Variants in MAP3K20 observed in about 807,000 individuals in gnomAD.
The protein encoded by MAP3K20 is mitogen-activated protein kinase kinase kinase 20, also known as HCCS-4.
In MAP3K20, 40 loss-of-function variants were observed where a neutral mutation model predicts 85.7. The observed-to-expected ratio is 0.47, with a 90% CI of 0.36 to 0.61. The LOEUF is 0.61. Ranked by LOEUF, MAP3K20 falls within the 20% of genes least tolerant of loss-of-function variation. The pLI, the probability that MAP3K20 is intolerant of heterozygous loss-of-function variation, is 0.00. For missense variants in MAP3K20, 817 were observed against 961.7 expected (o/e 0.85, Z 1.99); for synonymous variants, 325 against 327.7 (o/e 0.99, Z 0.09).
At chr2:173,231,410 A>G (rs1287770665) in intron 12 of MAP3K20, among the ~76,000 whole-genome samples, 1 of 152,248 alleles carries the variant, frequency 6.6e-6, no homozygotes, top group African/African-American at 2.4e-5. Context: ...AAGAGGACTC[A>G]GGGTCTCCTT....
At chr2:173,076,252 GCGC>G (rs1246902717) in intron 1 of MAP3K20, among the ~76,000 whole-genome samples, 1 of 151,928 alleles carries the variant, frequency 6.6e-6, no homozygotes, top group Non-Finnish European at 1.5e-5. Context: ...CTTGGCCGCG[GCGC>G]CGCCAAGTGC....
At chr2:173,188,160 CTTCT>C (rs1010700855) in intron 5 of MAP3K20, among the ~76,000 whole-genome samples, 2 of 152,174 alleles carry the variant, frequency 1.3e-5, no homozygotes, top group African/African-American at 4.8e-5. Flanking sequence ...CTCTCTTTTT[CTTCT>C]TTCTCTTCTT....
At chr2:173,182,585 C>T (rs1690362101) in intron 3 of MAP3K20, among the ~76,000 whole-genome samples, 1 of 152,110 alleles carries the variant, frequency 6.6e-6, no homozygotes, top group African/African-American at 2.4e-5. Flanking sequence ...TTTATTCTTC[C>T]AACACCTCTT....
intron 3 of MAP3K20, among the ~76,000 whole-genome samples, chr2:173,177,159 A>G (rs1338942644): frequency 6.6e-6 from 1 of 152,244 alleles, no homozygotes; most frequent in Non-Finnish European, 1.5e-5. Context: ...AATGGGATAT[A>G]GAAGACTTGA....
chr2:173,113,521 G>A (rs567741079), intron 2 of MAP3K20, among the ~76,000 whole-genome samples: 1 of 152,054 alleles, frequency 6.6e-6, no homozygotes, highest in Admixed American at 6.6e-5. Context: ...TTTGATGTAG[G>A]CATTTAGGGC....
chr2:173,076,551 T>G (rs1403557465), intron 1 of MAP3K20, among the ~76,000 whole-genome samples: 1 of 152,260 alleles, frequency 6.6e-6, no homozygotes, highest in Non-Finnish European at 1.5e-5. Flanking sequence ...GCGGTGTTGC[T>G]TCCCATCCAT....
chr2:173,095,918 A>G (rs981507486), intron 2 of MAP3K20, among the ~76,000 whole-genome samples: 1 of 152,256 alleles, frequency 6.6e-6, no homozygotes, highest in East Asian at 1.9e-4. Context: ...ATATTTTCCT[A>G]TGATGATTTT....
chr2:173,218,221 G>A (rs1684133455), intron 11 of MAP3K20, among the ~76,000 whole-genome samples: 5 of 152,120 alleles, frequency 3.3e-5, no homozygotes, highest in Admixed American at 6.5e-5. Context: ...AGCAGCCAGT[G>A]CCCAATTGCA....
chr2:173,080,077 A>T (rs898440259), intron 1 of MAP3K20, among the ~76,000 whole-genome samples: 1 of 152,224 alleles, frequency 6.6e-6, no homozygotes, highest in African/African-American at 2.4e-5. Context: ...CCACAAACAC[A>T]TGAGTAATGC....
At chr2:173,231,578 G>T (rs140637477) in intron 12 of MAP3K20, among the ~76,000 whole-genome samples, 2 of 152,304 alleles carry the variant, frequency 1.3e-5, no homozygotes, top group East Asian at 3.9e-4. Context: ...AAATTCCAGA[G>T]TTGAGGGCTC....
intron 1 of MAP3K20, among the ~76,000 whole-genome samples, chr2:173,077,675 G>A (rs973552388): frequency 2.0e-5 from 3 of 152,116 alleles, no homozygotes; most frequent in Non-Finnish European, 4.4e-5. Context: ...AATAATTCCA[G>A]AGTAAATGAC....
chr2:173,221,061 G>A (rs1346826764), intron 11 of MAP3K20: 13 of 1,165,546 alleles, frequency 1.1e-5, no homozygotes, highest in Non-Finnish European at 1.4e-5. Flanking sequence ...CTCCTGTGTA[G>A]TGCCAACTAA....
intron 1 of MAP3K20, among the ~76,000 whole-genome samples, chr2:173,090,020 G>T (rs1272090515): frequency 6.6e-6 from 1 of 152,160 alleles, no homozygotes; most frequent in African/African-American, 2.4e-5. Context: ...CCCTCTTAAG[G>T]TTTTGGTTTA....
chr2:173,260,369 A>G lies in MAP3K20; in HGVS notation c.1477-694A>G, dbSNP rs1238234458. On this transcript the variant is annotated intron_variant, in intron 17 of 19. Transcript: ENST00000375213. The stretch of plus-strand genomic sequence containing the variant: ...GGCGACAGAGTGAGACTCAGTCTCA[A>G]AGAAAACCTAGCCCAGCTAAATCTC... 2.0e-5 allele frequency among the ~76,000 whole-genome samples: 3 copies of G among 152,222 alleles called. No individual in the cohort carries two copies. The East Asian group carries it at 5.8e-4, about 29-fold the overall frequency.
intron 10 of MAP3K20, among the ~76,000 whole-genome samples, chr2:173,216,841 C>G (rs1049474300): frequency 2.0e-5 from 3 of 152,306 alleles, no homozygotes; most frequent in Admixed American, 2.0e-4. Flanking sequence ...TAAGCATTTA[C>G]TAAATGGCTG....
rs776525137 is a variant in MAP3K20 at position 173,261,106 on chromosome 2, G to T, written c.1520G>T (p.Ser507Ile). 1.9e-6 allele frequency: 3 copies of T among 1,613,710 alleles called. No individual in the cohort carries two copies. The highest frequency in any genetic ancestry group is 2.2e-5 in the South Asian group (2 of 91,068). ...AAGTGGATTGTAGGAATAGCAAAAAGTCAGACTGTGGAGTGCACTGTCACA... is the reference window on the plus strand; with the variant it reads ...AAGTGGATTGTAGGAATAGCAAAAATTCAGACTGTGGAGTGCACTGTCACA... Reference protein sequence around the residue: ...MEKWIVGIAKSQTVECTVTYE... With the variant: ...MEKWIVGIAKIQTVECTVTYE... The change falls in exon 18 of 20, where the codon AGT (serine) becomes ATT (isoleucine). Residue 507 changes from serine to isoleucine, a missense_variant. Ser to Ile is a moderately radical substitution (Grantham distance 142, BLOSUM62 -2). Coordinates refer to ENST00000375213, the MANE Select transcript of MAP3K20 (RefSeq NM_016653.3).
chr2:173,202,582 A>G (rs766580970), intron 8 of MAP3K20, among the ~76,000 whole-genome samples: 4 of 152,190 alleles, frequency 2.6e-5, no homozygotes, highest in Non-Finnish European at 5.9e-5. Flanking sequence ...TAACACAACT[A>G]CCTACACACA....
chr2:173,258,790 A>G lies in MAP3K20; in HGVS notation c.1451A>G (p.Asp484Gly), dbSNP rs1351277149. ...GTGACATTCAACACTAACCTACCTGATGCGGAGATTTTAAAGATGACAAAG... is the reference window on the plus strand; with the variant it reads ...GTGACATTCAACACTAACCTACCTGGTGCGGAGATTTTAAAGATGACAAAG... ...KDVTFNTNLPDAEILKMTKPP... is the reference protein window; with the variant it reads ...KDVTFNTNLPGAEILKMTKPP... Residue 484 changes from aspartate (D) to glycine (G), a missense_variant, in exon 17 of 20, where the codon GAT becomes GGT. Coordinates refer to ENST00000375213, the MANE Select transcript of MAP3K20 (RefSeq NM_016653.3). 1.2e-6 allele frequency: 2 copies of G among 1,609,934 alleles called. No homozygotes were observed. The highest frequency in any genetic ancestry group is 1.7e-6 in the Non-Finnish European group (2 of 1,176,800).
chr2:173,192,793 A>T (rs1690700406), intron 7 of MAP3K20: 1 of 152,160 alleles, frequency 6.6e-6, no homozygotes, highest in South Asian at 2.1e-4. Flanking sequence ...TTATTTACTG[A>T]GGCACACACC....
Sources: allele counts gnomAD v4.1 joint callset (sites outside exome capture counted in the v4.1 genomes callset), GRCh38; gene constraint gnomAD v4.1.1; transcripts MANE v1.5; gene names NCBI Gene and HGNC (gene_info 2026-07-23, HGNC 2026-07-21).